NAALADL2: variants seen among roughly 807,000 people sequenced by gnomAD.
NAALADL2 encodes inactive N-acetylated-alpha-linked acidic dipeptidase-like protein 2.
A neutral mutation model predicts 87.2 loss-of-function variants in NAALADL2; 76 were observed. The ratio of observed to expected loss-of-function variants is 0.87; its 90% CI spans 0.72 to 1.05. The LOEUF (loss-of-function observed/expected upper bound fraction) is 1.05, where lower values mean the gene tolerates loss of function less well. Among genes scored for constraint, NAALADL2 ranks in the 50% least tolerant of loss-of-function variants. The probability of loss-of-function intolerance (pLI) is 0.00; values close to 1 mark genes in which losing one functional copy is unlikely to be tolerated. For missense variants in NAALADL2, 1,089 were observed against 945.8 expected (o/e 1.15, Z -1.99); for synonymous variants, 354 against 331.0 (o/e 1.07, Z -0.75).
intron 2 of NAALADL2, among the ~76,000 whole-genome samples, chr3:174,703,079 G>C (rs1729709334): frequency 1.3e-5 from 2 of 152,120 alleles, no homozygotes; most frequent in Non-Finnish European, 2.9e-5. Flanking sequence ...GGAGGCACTG[G>C]GGACTTTTGG....
chr3:175,046,925 T>A (rs1313105679), intron 1 of NAALADL2, among the ~76,000 whole-genome samples: 1 of 152,160 alleles, frequency 6.6e-6, no homozygotes, highest in Admixed American at 6.6e-5. Flanking sequence ...AATGTATGTT[T>A]CACAGTTCTG....
intron 3 of NAALADL2, among the ~76,000 whole-genome samples, chr3:174,789,092 G>A (rs954038151): frequency 6.6e-6 from 1 of 152,118 alleles, no homozygotes; most frequent in Non-Finnish European, 1.5e-5. Flanking sequence ...TTTTGCTGAG[G>A]TCATTATCAC....
intron 1 of NAALADL2, among the ~76,000 whole-genome samples, chr3:174,944,394 G>A (rs1403309089): frequency 6.6e-6 from 1 of 152,134 alleles, no homozygotes; most frequent in Non-Finnish European, 1.5e-5. Flanking sequence ...AGGCTGTAAT[G>A]GCTAAGTAGC....
chr3:175,791,510 T>G (rs1052745669), intron 13 of NAALADL2, among the ~76,000 whole-genome samples: 1 of 152,270 alleles, frequency 6.6e-6, no homozygotes, highest in Admixed American at 6.5e-5. Flanking sequence ...TCAACATTAT[T>G]CACTCTTGTT....
At chr3:174,819,023 A>G (rs1397806805) in intron 3 of NAALADL2, among the ~76,000 whole-genome samples, 2 of 138,590 alleles carry the variant, frequency 1.4e-5, no homozygotes, top group African/African-American at 2.6e-5. Flanking sequence ...TCACTTTGAT[A>G]TAAAATTTTG....
intron 1 of NAALADL2, among the ~76,000 whole-genome samples, chr3:174,942,770 TATTTC>T (rs970953844): frequency 2.0e-5 from 3 of 152,206 alleles, no homozygotes; most frequent in African/African-American, 4.8e-5. Flanking sequence ...TGGTCTGTCT[TATTTC>T]AGAGAGCCAG....
intron 2 of NAALADL2, among the ~76,000 whole-genome samples, chr3:174,700,507 C>G (rs936452569): frequency 5.3e-5 from 8 of 152,132 alleles, no homozygotes; most frequent in African/African-American, 1.9e-4. Flanking sequence ...AACAACCTAC[C>G]TGTTAGCAAC....
intron 2 of NAALADL2, among the ~76,000 whole-genome samples, chr3:174,669,251 A>G (rs1726284710): frequency 1.2e-5 from 1 of 84,080 alleles, no homozygotes; most frequent in Non-Finnish European, 2.3e-5. Flanking sequence ...TCCTTCGCCT[A>G]CTTTTTGATG....
intron 9 of NAALADL2, among the ~76,000 whole-genome samples, chr3:175,495,132 G>A (rs1021330292): frequency 8.0e-5 from 12 of 149,314 alleles, no homozygotes; most frequent in African/African-American, 2.2e-4. Flanking sequence ...TCATGCTGGA[G>A]CACATCAAAG....
chr3:175,392,082 G>A (rs937189077), intron 5 of NAALADL2, among the ~76,000 whole-genome samples: 15 of 152,138 alleles, frequency 9.9e-5, no homozygotes, highest in Admixed American at 2.0e-4. Context: ...AAGAAACAGC[G>A]TCCTATATTT....
intron 2 of NAALADL2, among the ~76,000 whole-genome samples, chr3:174,649,899 A>T: frequency 6.6e-6 from 1 of 152,144 alleles, no homozygotes; most frequent in East Asian, 1.9e-4. Context: ...GTGGCAAGAC[A>T]TTGCTCATAT....
intron 3 of NAALADL2, among the ~76,000 whole-genome samples, chr3:174,775,894 T>A (rs1450114396): frequency 6.6e-6 from 1 of 152,120 alleles, no homozygotes; most frequent in Non-Finnish European, 1.5e-5. Flanking sequence ...GCAATCTGAG[T>A]GTTATACGTA....
intron 2 of NAALADL2, among the ~76,000 whole-genome samples, chr3:174,701,814 T>C (rs1317408508): frequency 6.6e-6 from 1 of 152,154 alleles, no homozygotes; most frequent in African/African-American, 2.4e-5. Flanking sequence ...ATTGGAAGGG[T>C]ATATCACCAT....
At chr3:174,992,083 C>T (rs1469337929) in intron 1 of NAALADL2, among the ~76,000 whole-genome samples, 1 of 151,816 alleles carries the variant, frequency 6.6e-6, no homozygotes, top group East Asian at 1.9e-4. Context: ...TATCTAGTGA[C>T]CCATTAAAAT....
intron 1 of NAALADL2, among the ~76,000 whole-genome samples, chr3:174,945,144 T>C (rs759159253): frequency 6.6e-6 from 1 of 152,218 alleles, no homozygotes; most frequent in Non-Finnish European, 1.5e-5. Flanking sequence ...TGGTTGTCTG[T>C]ATTTCTCCAT....
chr3:175,437,698 C>T (rs539927845), intron 5 of NAALADL2, among the ~76,000 whole-genome samples: 4 of 151,748 alleles, frequency 2.6e-5, no homozygotes, highest in South Asian at 2.1e-4. Context: ...TGACTTCAAA[C>T]TATACTACAA....
At chr3:174,674,127 A>G (rs1326577396) in intron 2 of NAALADL2, among the ~76,000 whole-genome samples, 1 of 151,824 alleles carries the variant, frequency 6.6e-6, no homozygotes, top group African/African-American at 2.4e-5. Flanking sequence ...GTGGAAGGAG[A>G]AGAGGGAACA....
chr3:174,533,812 T>A (rs780351808), intron 1 of NAALADL2, among the ~76,000 whole-genome samples: 1 of 152,136 alleles, frequency 6.6e-6, no homozygotes, highest in Non-Finnish European at 1.5e-5. Context: ...AGGAAAGTAT[T>A]GCTTAAAGAA....
Position 175,176,034 on chromosome 3 carries a change from T to C in NAALADL2, c.546-57897T>C, listed in dbSNP as rs1012824368. Among the ~76,000 whole-genome samples the C allele has an allele frequency of 1.2e-4, 19 of 152,260 alleles. 1 individual carries two copies. Among genetic ancestry groups the C allele is most frequent in the Admixed American group, 8.5e-4 (13 of 15,258 alleles). ...AAAGACTAACATTCTATTTTGATGG[T>C]ATAAGAGAGAATTTTTATAAAGCCC... On this transcript the variant is annotated intron_variant, in intron 2 of 13. Coordinates refer to ENST00000454872, the MANE Select transcript of NAALADL2 (RefSeq NM_207015.3).
Sources: gnomAD v4.1 joint callset for allele counts (sites outside exome capture counted in the v4.1 genomes callset) on GRCh38, gnomAD v4.1.1 for gene constraint, MANE v1.5 for transcripts, NCBI Gene and HGNC (gene_info 2026-07-23, HGNC 2026-07-21) for gene names.